The following VGLL4 variants were observed in gnomAD, a reference collection of about 807,000 sequenced individuals.
VGLL4 encodes the protein transcription cofactor vestigial-like protein 4.
In VGLL4, 7 loss-of-function variants were observed where a neutral mutation model predicts 21.0. That is an observed-to-expected ratio of 0.33 (90% confidence interval 0.19 to 0.63). The LOEUF (loss-of-function observed/expected upper bound fraction) is 0.63. Ranked by LOEUF, VGLL4 falls within the 20% of genes least tolerant of loss-of-function variation. The pLI, the probability that VGLL4 is intolerant of heterozygous loss-of-function variation, is 0.78. For synonymous variants in VGLL4, 222 were observed against 173.2 expected (o/e 1.28, Z -2.21); for missense variants, 394 against 425.7 (o/e 0.93, Z 0.66).
At chr3:11,704,606 C>T (rs2076733721) in intron 1 of VGLL4, among the ~76,000 whole-genome samples, 2 of 151,980 alleles carry the variant, frequency 1.3e-5, no homozygotes, top group Admixed American at 1.3e-4. Flanking sequence ...CCAAAGCATT[C>T]TGCACTGGGT....
At chr3:11,709,719 C>T (rs755785653) in intron 1 of VGLL4, among the ~76,000 whole-genome samples, 15 of 152,140 alleles carry the variant, frequency 9.9e-5, no homozygotes, top group African/African-American at 3.1e-4. Flanking sequence ...CAAGAGGTAT[C>T]GATTTTAAAG....
intron 2 of VGLL4, among the ~76,000 whole-genome samples, chr3:11,582,693 C>G (rs1394714906): frequency 1.3e-5 from 2 of 152,156 alleles, no homozygotes; most frequent in Non-Finnish European, 2.9e-5. Flanking sequence ...AAAGAAAACA[C>G]AGGAGAGGAA....
chr3:11,713,588 A>ATATATATATATC (rs1453126312), intron 1 of VGLL4, among the ~76,000 whole-genome samples: 1 of 145,548 alleles, frequency 6.9e-6, no homozygotes, highest in African/African-American at 2.6e-5. Context: ...ATATATATAT[A>ATATATATATATC]TATCTGCATA....
intron 2 of VGLL4, among the ~76,000 whole-genome samples, chr3:11,658,528 T>A (rs918015630): frequency 6.6e-6 from 1 of 151,810 alleles, no homozygotes; most frequent in South Asian, 2.1e-4. Context: ...TTCTGACAGA[T>A]CACTGCAATA....
chr3:11,614,130 C>T (rs745782906), intron 1 of VGLL4, among the ~76,000 whole-genome samples: 4 of 152,254 alleles, frequency 2.6e-5, no homozygotes, highest in Non-Finnish European at 5.9e-5. Context: ...GACTTACAGG[C>T]TTTCTTCCAT....
chr3:11,626,113 G>T (rs1017259457), intron 1 of VGLL4, among the ~76,000 whole-genome samples: 1 of 152,216 alleles, frequency 6.6e-6, no homozygotes, highest in African/African-American at 2.4e-5. Context: ...AAAAGCTATA[G>T]CAGAAAGAGA....
At chr3:11,633,724 CAGA>C (rs2075532113) in intron 1 of VGLL4, 1 of 152,116 alleles carries the variant, frequency 6.6e-6, no homozygotes. Context: ...GGTCACTTTC[CAGA>C]AGAAGCCCTT....
In VGLL4 at chr3:11,712,982, G is replaced by C. The variant is rs146692983; in HGVS notation, c.-14+7412C>G. ...CTGTCACACCAGGTCAATTGATGCT[G>C]AGACTGTGGCCAACAATGACACCGG... On this transcript the variant is annotated intron_variant, in intron 1 of 5. Transcript: ENST00000273038. Among the ~76,000 whole-genome samples, 255 of 152,274 alleles carry C rather than the reference G, an allele frequency of 1.7e-3. No individual in the cohort carries two copies. The Middle Eastern group carries it at 0.037, about 22-fold the overall frequency.
intron 2 of VGLL4, among the ~76,000 whole-genome samples, chr3:11,585,808 G>A (rs1186306201): frequency 1.3e-5 from 2 of 152,058 alleles, no homozygotes; most frequent in Non-Finnish European, 2.9e-5. Flanking sequence ...TGCTTCCCTT[G>A]TCCTCTTTCT....
intron 1 of VGLL4, chr3:11,626,382 T>G (rs1296694924): frequency 6.6e-6 from 3 of 456,826 alleles, no homozygotes; most frequent in Non-Finnish European, 8.8e-6. Flanking sequence ...TGTATCCAAG[T>G]GCCACTCTTT....
At chr3:11,598,869 T>C (rs2074710893) in intron 2 of VGLL4, among the ~76,000 whole-genome samples, 1 of 152,226 alleles carries the variant, frequency 6.6e-6, no homozygotes, top group Non-Finnish European at 1.5e-5. Flanking sequence ...ACATTTTCAT[T>C]ACATGTTATT....
chr3:11,646,617 A>G (rs897030987), upstream of VGLL4, among the ~76,000 whole-genome samples: 1 of 152,184 alleles, frequency 6.6e-6, no homozygotes, highest in Non-Finnish European at 1.5e-5. Context: ...GACATGAAGA[A>G]TTTTTTTAAT....
chr3:11,568,919 G>T lies in VGLL4; in HGVS notation c.273-3900C>A. ...CCGGGCCTCATCCCCATCCTAGGCGGGCACTTCCACTGCCAGCTGCCCACG... is the reference window on the plus strand; with the variant it reads ...CCGGGCCTCATCCCCATCCTAGGCGTGCACTTCCACTGCCAGCTGCCCACG... On this transcript the variant is annotated intron_variant, in intron 2 of 4. Coordinates refer to ENST00000430365, the MANE Select transcript of VGLL4 (RefSeq NM_001128219.3). The surrounding 1 kb of genome is among the most constrained non-coding windows in gnomAD (Gnocchi z 5.9). 1.6e-6 allele frequency: 2 copies of T among 1,267,478 alleles called. No homozygotes were observed. The highest frequency in any genetic ancestry group is 3.8e-5 in the South Asian group (2 of 52,834). 78.5% of individuals were successfully genotyped at this position (1,267,478 alleles called of 1,614,324 possible). A position where few individuals can be genotyped will look rare whatever the true frequency, so the allele number is the denominator to read the frequency against.
intron 2 of VGLL4, among the ~76,000 whole-genome samples, chr3:11,666,819 C>T (rs1293163241): frequency 6.6e-6 from 1 of 152,184 alleles, no homozygotes; most frequent in African/African-American, 2.4e-5. Context: ...AAGAAATTCA[C>T]TGTAATAAGT....
In VGLL4 at chr3:11,682,057, G is replaced by C. The variant is rs577001411; in HGVS notation, c.64+20914C>G. Among the ~76,000 whole-genome samples, 3 of 152,270 alleles carry C rather than the reference G, an allele frequency of 2.0e-5. No individual in the cohort carries two copies. In the East Asian group the frequency reaches 5.8e-4, roughly 29 times the overall value. ...GTGGATCACTTGAGGTCAGGAGTTC[G>C]AGACCAGTCTGGCCAACAAGGCGAA... On this transcript the variant is annotated intron_variant, in intron 2 of 5. Coordinates refer to the VGLL4 transcript ENST00000273038.
intron 2 of VGLL4, among the ~76,000 whole-genome samples, chr3:11,570,891 TG>T (rs1451089100): frequency 6.6e-6 from 1 of 151,788 alleles, no homozygotes; most frequent in African/African-American, 2.4e-5. Context: ...CCCTTGTGAG[TG>T]GGAGAATTCA....
intron 1 of VGLL4, among the ~76,000 whole-genome samples, chr3:11,713,109 G>A (rs551576198): frequency 6.6e-6 from 1 of 152,286 alleles, no homozygotes; most frequent in South Asian, 2.1e-4. Context: ...ACAGTAGTAG[G>A]AAGGATGGTG....
upstream of VGLL4, chr3:11,644,047 AAGAG>A (rs2075748877): frequency 2.1e-6 from 2 of 958,988 alleles, no homozygotes; most frequent in African/African-American, 1.8e-5. Flanking sequence ...GTTGGAAAGA[AAGAG>A]AAAGGGGAGG....
intron 1 of VGLL4, among the ~76,000 whole-genome samples, chr3:11,630,615 C>T (rs1402784141): frequency 6.6e-6 from 1 of 152,052 alleles, no homozygotes; most frequent in Non-Finnish European, 1.5e-5. Flanking sequence ...CACTACACTC[C>T]AGCCTGGACA....
Sources: allele counts gnomAD v4.1 joint callset (sites outside exome capture counted in the v4.1 genomes callset), GRCh38; gene constraint gnomAD v4.1.1; non-coding constraint Gnocchi (gnomAD v3.1); transcripts MANE v1.5; gene names NCBI Gene and HGNC (gene_info 2026-07-23, HGNC 2026-07-21).